CENPK: variants seen among roughly 807,000 people sequenced by gnomAD.
CENPK encodes the protein centromere protein K, also known as SoxLZ/Sox6-binding protein Solt.
A neutral mutation model predicts 40.9 loss-of-function variants in CENPK; 46 were observed. The observed-to-expected ratio is 1.13, with a 90% CI of 0.89 to 1.44. The LOEUF is 1.44. Among genes scored for constraint, CENPK ranks in the 40% most tolerant of loss-of-function variants. The pLI, the probability that CENPK is intolerant of heterozygous loss-of-function variation, is 0.00. For missense variants in CENPK, 288 were observed against 303.5 expected (o/e 0.95, Z 0.38); for synonymous variants, 107 against 104.4 (o/e 1.02, Z -0.15).
chr5:65,544,530 T>C (rs1250356843), intron 5 of CENPK, among the ~76,000 whole-genome samples: 1 of 152,126 alleles, frequency 6.6e-6, no homozygotes, highest in African/African-American at 2.4e-5. Context: ...CTATTTCTGG[T>C]AGACATCCAA....
chr5:65,556,843 T>C (rs62369037), intron 2 of CENPK, among the ~76,000 whole-genome samples: 11,578 of 152,278 alleles, frequency 0.076, 456 homozygotes, highest in East Asian at 0.096. Context: ...ACCGTTTCTA[T>C]GTTTAGAAAT....
intron 5 of CENPK, among the ~76,000 whole-genome samples, chr5:65,544,998 A>C (rs1748637594): frequency 1.3e-5 from 2 of 152,226 alleles, no homozygotes; most frequent in Non-Finnish European, 2.9e-5. Flanking sequence ...TACACTTAAA[A>C]ATGGTTAAAA....
chr5:65,515,718 A>T (rs559115125), downstream of CENPK, among the ~76,000 whole-genome samples: 5 of 152,194 alleles, frequency 3.3e-5, no homozygotes, highest in African/African-American at 1.2e-4. Flanking sequence ...TAAGTTAATT[A>T]CCCTTTTATC....
At chr5:65,503,801 C>T in the CENPK span, among the ~76,000 whole-genome samples, 1 of 151,748 alleles carries the variant, frequency 6.6e-6, no homozygotes, top group South Asian at 2.1e-4. Flanking sequence ...GGACTACAAG[C>T]ACGTGCCACC....
intron 5 of CENPK, among the ~76,000 whole-genome samples, chr5:65,543,516 C>T (rs571755392): frequency 9.6e-4 from 146 of 152,212 alleles, no homozygotes; most frequent in African/African-American, 3.4e-3. Context: ...AGAATGGGGT[C>T]ATATCACACA....
At chr5:65,532,738 C>T (rs13184391) in intron 6 of CENPK, among the ~76,000 whole-genome samples, 7,138 of 150,982 alleles carry the variant, frequency 0.047, 295 homozygotes, top group African/African-American at 0.1. Context: ...GGAGAAACCC[C>T]GTCTCTACTA....
At chr5:65,501,174 G>GTTTTTTTTTTTTTT in the CENPK span, among the ~76,000 whole-genome samples, 1 of 61,674 alleles carries the variant, frequency 1.6e-5, no homozygotes, top group Non-Finnish European at 2.7e-5. Flanking sequence ...TGCTAAGTTT[G>GTTTTTTTTTTTTTT]TTTTTTTTTT....
At chr5:65,551,909 TA>T (rs1443971218) in intron 4 of CENPK, among the ~76,000 whole-genome samples, 1 of 151,954 alleles carries the variant, frequency 6.6e-6, no homozygotes, top group African/African-American at 2.4e-5. Flanking sequence ...ACACAGATAG[TA>T]AAATATCTGT....
At chr5:65,537,150 T>C (rs966702986) in intron 6 of CENPK, among the ~76,000 whole-genome samples, 4 of 152,320 alleles carry the variant, frequency 2.6e-5, no homozygotes, top group Admixed American at 2.6e-4. Flanking sequence ...CTGTTGGAGT[T>C]AAAGTGAGAG....
At chr5:65,513,152 A>G (rs1451362055), downstream of CENPK, among the ~76,000 whole-genome samples, 2 of 152,126 alleles carry the variant, frequency 1.3e-5, no homozygotes, top group South Asian at 2.1e-4. Flanking sequence ...TCCTTCACAG[A>G]GCGGTTTTTA....
chr5:65,559,628 C>CAA (rs1276581370), intron 2 of CENPK, among the ~76,000 whole-genome samples: 4 of 55,680 alleles, frequency 7.2e-5, no homozygotes, highest in African/African-American at 8.3e-5. Context: ...GACTCCGTCT[C>CAA]AGAAAAAAAA....
At chr5:65,540,506 C>T (rs1747776942) in intron 6 of CENPK, among the ~76,000 whole-genome samples, 1 of 152,020 alleles carries the variant, frequency 6.6e-6, no homozygotes, top group South Asian at 2.1e-4. Context: ...GGGGGCTGGT[C>T]ATAAAAAAAG....
intron 10 of CENPK, 112 bp from the exon 11 acceptor site, chr5:65,518,745 A>G: frequency 3.2e-6 from 2 of 628,784 alleles, no homozygotes; most frequent in Non-Finnish European, 2.7e-6. Context: ...ACAACTGTTT[A>G]ATACTTTTAA....
chr5:65,546,778 GAGGCCTCAGA>G (rs1749064187), intron 5 of CENPK, among the ~76,000 whole-genome samples: 1 of 152,224 alleles, frequency 6.6e-6, no homozygotes, highest in Admixed American at 6.5e-5. Context: ...GCCAAGGGGA[GAGGCCTCAGA>G]AGAAACCAAC....
chr5:65,515,674 G>T (rs1742807443), downstream of CENPK, among the ~76,000 whole-genome samples: 1 of 152,108 alleles, frequency 6.6e-6, no homozygotes, highest in South Asian at 2.1e-4. Context: ...TGTAGTCAAA[G>T]ACATAGCTTC....
At chr5:65,497,706 C>T in the CENPK span, among the ~76,000 whole-genome samples, 42 of 152,062 alleles carry the variant, frequency 2.8e-4, no homozygotes, top group Non-Finnish European at 4.6e-4. Flanking sequence ...TATAAATGAA[C>T]GAAATGTTCC....
Position 65,554,845 on chromosome 5 carries a change from TTCAG to T in CENPK, c.59_62del (p.Thr20LysfsTer40), listed in dbSNP as rs1429400174. ...CTTCACATTCTCTAATAAGTTCTTC[TTCAG>T]TATTTGTAACATCTCCCACATCTGT... is the stretch of plus-strand genomic sequence containing the variant. On this transcript the variant is annotated frameshift_variant, in exon 3 of 11. Transcript: ENST00000396679. LOFTEE classifies it high-confidence loss of function. The T allele has an allele frequency of 1.2e-6, 2 of 1,605,412 alleles. No homozygotes were observed. Among genetic ancestry groups the T allele is most frequent in the South Asian group, 2.2e-5 (2 of 90,844 alleles).
chr5:65,529,048 A>G, intron 7 of CENPK, 31 bp from the exon 8 acceptor site: 1 of 1,556,562 alleles, frequency 6.4e-7, no homozygotes, highest in East Asian at 2.2e-5. Flanking sequence ...TACAAGCAAT[A>G]TCTAAATAAA....
chr5:65,542,070 T>C (rs1386227564), intron 6 of CENPK, among the ~76,000 whole-genome samples: 1 of 152,084 alleles, frequency 6.6e-6, no homozygotes, highest in Non-Finnish European at 1.5e-5. Context: ...GGCATTAATT[T>C]CATTTATGAA....
Sources: allele counts gnomAD v4.1 joint callset (sites outside exome capture counted in the v4.1 genomes callset), GRCh38; gene constraint gnomAD v4.1.1; transcripts MANE v1.5; gene names NCBI Gene and HGNC (gene_info 2026-07-23, HGNC 2026-07-21).